The following PPP3CB variants were observed in gnomAD, a reference collection of about 807,000 sequenced individuals.
The protein encoded by PPP3CB is serine/threonine-protein phosphatase 2B catalytic subunit beta isoform.
Under a neutral mutation model 66.4 loss-of-function variants are expected in PPP3CB, and 8 were observed. That is an observed-to-expected ratio of 0.12 (90% confidence interval 0.07 to 0.22). The LOEUF (loss-of-function observed/expected upper bound fraction) is 0.22. Among genes scored for constraint, PPP3CB ranks in the 10% least tolerant of loss-of-function variants. The probability of loss-of-function intolerance (pLI) is 1.00; values close to 1 mark genes in which losing one functional copy is unlikely to be tolerated. For missense variants in PPP3CB, 319 were observed against 642.5 expected, an observed-to-expected ratio of 0.50 and a Z score of 5.44; for synonymous variants, 208 against 221.2, an observed-to-expected ratio of 0.94 and a Z score of 0.53.
intron 7 of PPP3CB, 46 bp downstream of exon 7, chr10:73,470,841 T>C: frequency 1.3e-6 from 2 of 1,590,554 alleles, no homozygotes; most frequent in Non-Finnish European, 1.7e-6. Context: ...CTAAGTTTGA[T>C]TTATATTTTA....
chr10:73,495,097 T>G (rs1004423109), intron 1 of PPP3CB, among the ~76,000 whole-genome samples: 2 of 152,324 alleles, frequency 1.3e-5, no homozygotes, highest in Non-Finnish European at 2.9e-5. Flanking sequence ...AAGGGAGGGG[T>G]AACTCCTTTT....
intron 8 of PPP3CB, 60 bp downstream of exon 8, chr10:73,470,627 A>T (rs1337250260): frequency 6.0e-5 from 65 of 1,077,518 alleles, no homozygotes; most frequent in Middle Eastern, 3.2e-4. Flanking sequence ...TTATTATATT[A>T]AAAAAAGTCA....
intron 13 of PPP3CB, 79 bp downstream of exon 13, chr10:73,439,793 A>G: frequency 6.7e-7 from 1 of 1,496,916 alleles, no homozygotes; most frequent in Non-Finnish European, 9.3e-7. Flanking sequence ...AGCTAGGAGT[A>G]AAACACACCC....
chr10:73,445,792 AGGCTG>A (rs1564548408), intron 11 of PPP3CB, among the ~76,000 whole-genome samples: 1 of 142,982 alleles, frequency 7.0e-6, no homozygotes, highest in Non-Finnish European at 1.5e-5. Context: ...TCTGTCACCC[AGGCTG>A]GAGTGCAGTG....
At chr10:73,450,044 C>T (rs1356501885) in intron 10 of PPP3CB, among the ~76,000 whole-genome samples, 1 of 152,152 alleles carries the variant, frequency 6.6e-6, no homozygotes, top group Non-Finnish European at 1.5e-5. Flanking sequence ...GTGATCCACC[C>T]GCCTTAGCCT....
chr10:73,495,878 CG>C lies in PPP3CB; in HGVS notation c.11del (p.Pro4ArgfsTer35). The C allele has an allele frequency of 9.0e-7, 1 of 1,114,442 alleles. No homozygotes were observed. Among genetic ancestry groups the C allele is most frequent in the South Asian group, 1.9e-5 (1 of 53,228 alleles). The allele number at this position is 1,114,442 out of a possible 1,614,324, so 69.0% of individuals were successfully genotyped here. A position where few individuals can be genotyped will look rare whatever the true frequency, so the allele number is the denominator to read the frequency against. ...GGGGCGGTGCAGCCCGGGCCGGCTC[CG>C]GGGCGGCCATGCTGGGCCCGGGGCT... Reference protein sequence around the residue: MAAPEPARAAPPPP... With the variant: MAAXEPARAAPPPP... On this transcript the variant is annotated frameshift_variant, in exon 1 of 14. Coordinates refer to ENST00000360663, the MANE Select transcript of PPP3CB (RefSeq NM_021132.4). LOFTEE classifies it high-confidence loss of function.
rs2056894497 is a variant in PPP3CB, at chr10:73,482,443, T to G, written c.86-2926A>C. Reference sequence around the variant, plus strand: ...CTGTAGTCCTAGCTACTCGGGAGGCTGAGGCAGGAGAATGGCGTGAACCCG... The same window carrying G: ...CTGTAGTCCTAGCTACTCGGGAGGCGGAGGCAGGAGAATGGCGTGAACCCG... On this transcript the variant is annotated intron_variant, in intron 1 of 13. Transcript: ENST00000360663. Among the ~76,000 whole-genome samples, 3 of 143,224 alleles carry G rather than the reference T, an allele frequency of 2.1e-5. No individual in the cohort carries two copies. The South Asian group carries it at 7.1e-4, about 34-fold the overall frequency. 94.0% of individuals were successfully genotyped at this position (143,224 alleles called of 152,430 possible). A position where few individuals can be genotyped will look rare whatever the true frequency, so the allele number is the denominator to read the frequency against.
At chr10:73,475,857 AAC>A (rs2056776476) in intron 3 of PPP3CB, among the ~76,000 whole-genome samples, 1 of 152,182 alleles carries the variant, frequency 6.6e-6, no homozygotes, top group Non-Finnish European at 1.5e-5. Context: ...AAAAAGAAAA[AAC>A]AAACTTTTTT....
At position 73,477,310 on chromosome 10, in the gene PPP3CB, A is replaced by G. The variant is rs149112874; in HGVS notation, c.411+1189T>C. ...TTTGTCCTACAAAAATAATCAGGCA[A>G]GTATGTAAAGATGTATGAATAATAT... On this transcript the variant is annotated intron_variant, in intron 3 of 13. Coordinates refer to ENST00000360663, the MANE Select transcript of PPP3CB (RefSeq NM_021132.4). 7.7e-4 allele frequency: 382 copies of G among 496,464 alleles called. 3 individuals carry two copies. Among genetic ancestry groups the G allele is most frequent in the African/African-American group, 6.7e-3 (339 of 50,290 alleles). The allele number at this position is 496,464 out of a possible 1,614,324, so 30.8% of individuals were successfully genotyped here.
chr10:73,467,392 T>C (rs1170486520), intron 9 of PPP3CB, 161 bp downstream of exon 9: 2 of 465,138 alleles, frequency 4.3e-6, no homozygotes, highest in Non-Finnish European at 7.0e-6. Flanking sequence ...CTAACTAAAA[T>C]ATCTTTGAGA....
chr10:73,486,766 T>C (rs1192374201), intron 1 of PPP3CB, among the ~76,000 whole-genome samples: 2 of 152,260 alleles, frequency 1.3e-5, no homozygotes, highest in Admixed American at 6.5e-5. Context: ...AGCATTCTCT[T>C]AGCTCCGCAT....
At chr10:73,444,961 C>T in intron 11 of PPP3CB, 139 bp from the exon 12 acceptor site, 2 of 883,790 alleles carry the variant, frequency 2.3e-6, no homozygotes, top group Non-Finnish European at 3.4e-6. Flanking sequence ...AATTTCAAGA[C>T]ATTAATTTTT....
intron 9 of PPP3CB, 69 bp downstream of exon 9, chr10:73,467,484 C>A: frequency 7.9e-7 from 1 of 1,259,082 alleles, no homozygotes; most frequent in Non-Finnish European, 1.1e-6. Context: ...CAAGTATGTG[C>A]CTATGATAGT....
chr10:73,443,649 T>C (rs2056199686), intron 12 of PPP3CB: 1 of 152,230 alleles, frequency 6.6e-6, no homozygotes, highest in African/African-American at 2.4e-5. Context: ...AATTACTGTG[T>C]ATGGTCACTA....
rs1282939473 is a variant in PPP3CB at position 73,438,187 on chromosome 10, C to T, written c.*55G>A. On this transcript the variant is annotated 3_prime_UTR_variant, in exon 14 of 14. Transcript: ENST00000360663. ...AGCTTGGCCGACCCCTCCAGCTCCT[C>T]GGGTGATCTGTCCATTTGGGGCCCG... The T allele has an allele frequency of 2.1e-5, 33 of 1,546,172 alleles. No individual in the cohort carries two copies. In the East Asian group the frequency reaches 5.0e-4, roughly 24 times the overall value.
Position 73,459,991 on chromosome 10 carries a change from TAAAG to T in PPP3CB, c.1109-5506_1109-5503del, listed in dbSNP as rs572370673. Among the ~76,000 whole-genome samples, 25 of 152,062 alleles carry T rather than the reference TAAAG, an allele frequency of 1.6e-4. No individual in the cohort carries two copies. The South Asian group carries it at 5.0e-3, about 30-fold the overall frequency. ...ATGTCAATAAAGCAGTTATAAAAAATAAAGAAAAGTATGAGGGTATAAAACTTAA... is the reference window on the plus strand; with the variant it reads ...ATGTCAATAAAGCAGTTATAAAAAATAAAAGTATGAGGGTATAAAACTTAA... On this transcript the variant is annotated intron_variant, in intron 9 of 13. Transcript: ENST00000360663.
intron 9 of PPP3CB, among the ~76,000 whole-genome samples, chr10:73,458,068 A>G (rs12763690): frequency 6.6e-6 from 1 of 152,228 alleles, no homozygotes; most frequent in Admixed American, 6.5e-5. Context: ...TGACTTCACC[A>G]CTATGCAATA....
chr10:73,450,389 G>A (rs1484887665), intron 10 of PPP3CB, among the ~76,000 whole-genome samples: 2 of 152,006 alleles, frequency 1.3e-5, no homozygotes, highest in Non-Finnish European at 2.9e-5. Context: ...ATAAGGAAGG[G>A]AAATAAACCT....
chr10:73,471,415 T>C, intron 5 of PPP3CB, 53 bp downstream of exon 5: 1 of 1,527,734 alleles, frequency 6.5e-7, no homozygotes, highest in Non-Finnish European at 8.8e-7. Context: ...TCTGCTCTAC[T>C]CAACAATGTA....
Sources: allele counts gnomAD v4.1 joint callset (sites outside exome capture counted in the v4.1 genomes callset), GRCh38; gene constraint gnomAD v4.1.1; transcripts MANE v1.5; gene names NCBI Gene and HGNC (gene_info 2026-07-23, HGNC 2026-07-21).